CARMIL2: variants seen among roughly 807,000 people sequenced by gnomAD.
CARMIL2 encodes the protein capping protein regulator and myosin 1 linker 2.
CARMIL2 carries 96 observed loss-of-function variants against 173.3 expected under a neutral mutation model. The ratio of observed to expected loss-of-function variants is 0.55; its 90% CI spans 0.47 to 0.66. The LOEUF (loss-of-function observed/expected upper bound fraction) is 0.66, where lower values mean the gene tolerates loss of function less well. Ranked by LOEUF, CARMIL2 falls within the 30% of genes least tolerant of loss-of-function variation. The probability of loss-of-function intolerance (pLI) is 0.00; values close to 1 mark genes in which losing one functional copy is unlikely to be tolerated. For synonymous variants in CARMIL2, 830 were observed against 817.1 expected, an observed-to-expected ratio of 1.02 and a Z score of -0.27; for missense variants, 1,771 against 1,906.7, an observed-to-expected ratio of 0.93 and a Z score of 1.33.
chr16:67,645,409 C>T lies in CARMIL2; in HGVS notation c.40+123C>T, dbSNP rs1217885298. 3.0e-6 allele frequency: 4 copies of T among 1,350,934 alleles called. No individual in the cohort carries two copies. In the South Asian group the frequency reaches 3.7e-5, roughly 13 times the overall value. 83.7% of individuals were successfully genotyped at this position (1,350,934 alleles called of 1,614,324 possible). A position where few individuals can be genotyped will look rare whatever the true frequency, so the allele number is the denominator to read the frequency against. ...CCTCCCTGCTCCCCAGGAGGGCAGG[C>T]GCCCCAGATCCTCTCCCCTCCTTCC... On this transcript the variant is annotated intron_variant, in intron 1 of 37. Coordinates refer to ENST00000334583, the MANE Select transcript of CARMIL2 (RefSeq NM_001013838.3).
rs764657890 is a variant in CARMIL2 at position 67,656,815 on chromosome 16, C to G, written c.4051C>G (p.Pro1351Ala). 9.7e-6 allele frequency: 15 copies of G among 1,551,114 alleles called. No homozygotes were observed. The highest frequency in any genetic ancestry group is 1.3e-5 in the Non-Finnish European group (15 of 1,147,166). Residue 1351 changes from proline (P) to alanine (A), a missense_variant, in exon 36 of 38, where the codon CCG becomes GCG. By Grantham distance (27) the Pro-to-Ala change is conservative. This residue lies in a region of CARMIL2 where 817 missense variants were observed against 903.5 expected (regional missense o/e 0.90). Transcript: ENST00000334583. Reference sequence around the variant, plus strand: ...GCCTCCCTCAGATGGCCAGCTGAGGCCGAGGCCTCTCTCGGCAGGGCGGCG... The same window carrying G: ...GCCTCCCTCAGATGGCCAGCTGAGGGCGAGGCCTCTCTCGGCAGGGCGGCG... ...GPRNEDGQLR[P>A]RPLSAGRRAV... is the part of the protein sequence containing the mutation.
Position 67,646,827 on chromosome 16 carries a change from C to T in CARMIL2, c.537+43C>T. On this transcript the variant is annotated intron_variant, in intron 7 of 37. Coordinates refer to ENST00000334583, the MANE Select transcript of CARMIL2 (RefSeq NM_001013838.3). The surrounding 1 kb of genome is among the most constrained non-coding windows in gnomAD (Gnocchi z 4.6). Reference sequence around the variant, plus strand: ...TTGAAGGGCTCTGGAGACATCTGGTCCCCCATGTGTGCTGAGCCCCTCCCT... The same window carrying T: ...TTGAAGGGCTCTGGAGACATCTGGTTCCCCATGTGTGCTGAGCCCCTCCCT... 2 of 1,610,264 alleles carry T rather than the reference C, an allele frequency of 1.2e-6. No individual in the cohort carries two copies. The highest frequency in any genetic ancestry group is 1.7e-6 in the Non-Finnish European group (2 of 1,176,600).
chr16:67,646,234 G>T lies in CARMIL2; in HGVS notation c.298G>T (p.Gly100Cys). Reference sequence around the variant, plus strand: ...GCGTGAGCTGGTCCTGGAGTTTCCTGGTGTGGCCGCCCTGGAACAGCTGGC... The same window carrying T: ...GCGTGAGCTGGTCCTGGAGTTTCCTTGTGTGGCCGCCCTGGAACAGCTGGC... ...SLRELVLEFP[G>C]VAALEQLAQH... The change falls in exon 5 of 38, where the codon GGT becomes TGT. Residue 100 changes from glycine to cysteine, a missense_variant. Transcript: ENST00000334583. The surrounding 1 kb of genome is among the most constrained non-coding windows in gnomAD (Gnocchi z 4.6). 6.2e-7 allele frequency: 1 copy of T among 1,613,792 alleles called. No individual in the cohort carries two copies. The highest frequency in any genetic ancestry group is 2.2e-5 in the East Asian group (1 of 44,882).
Position 67,657,471 on chromosome 16 carries a change from C to T in CARMIL2, c.4261C>T (p.Pro1421Ser). 6.2e-7 allele frequency: 1 copy of T among 1,612,030 alleles called. No homozygotes were observed. Residue 1421 changes from proline (P) to serine (S), a missense_variant, in exon 38 of 38, where the codon CCA (proline) becomes TCA (serine). Pro to Ser is a moderately conservative substitution (Grantham distance 74). Around this residue, in one of 3 missense-constraint regions of CARMIL2, gnomAD observed 817 missense variants for 903.5 expected, o/e 0.90. Transcript: ENST00000334583. The surrounding 1 kb of genome is among the most constrained non-coding windows in gnomAD (Gnocchi z 4.5). ...PTEPSSPERS[P>S]PSPATDQRGG... ...AGAGCCCTCCAGCCCTGAGCGGAGC[C>T]CACCCTCCCCAGCCACAGACCAAAG...
Position 67,651,991 on chromosome 16 carries a change from G to T in CARMIL2, c.2659G>T (p.Ala887Ser), listed in dbSNP as rs200929262. Residue 887 changes from alanine to serine, a missense_variant, in exon 26 of 38, where the codon GCA becomes TCA. This residue lies in a region of CARMIL2 where 817 missense variants were observed against 903.5 expected (regional missense o/e 0.90). Coordinates refer to ENST00000334583, the MANE Select transcript of CARMIL2 (RefSeq NM_001013838.3). This position sits in a 1 kb window ranked among gnomAD's most constrained non-coding sequence, Gnocchi z 4.2. ...IVAQALAGLS[A>S]ARDQLVESLA... ...GGCTCAGGCTTTGGCAGGCCTGAGTGCAGCCCGGGATCAGCTGGTGAGGGG... is the reference window on the plus strand; with the variant it reads ...GGCTCAGGCTTTGGCAGGCCTGAGTTCAGCCCGGGATCAGCTGGTGAGGGG... The T allele has an allele frequency of 1.2e-6, 2 of 1,613,582 alleles. No homozygotes were observed. Among genetic ancestry groups the T allele is most frequent in the Non-Finnish European group, 1.7e-6 (2 of 1,179,866 alleles).
In CARMIL2 at chr16:67,645,146, G is replaced by GTGGC. The variant is rs2142905429; in HGVS notation, c.-98_-95dup. On this transcript the variant is annotated 5_prime_UTR_variant, in exon 1 of 38. Coordinates refer to ENST00000334583, the MANE Select transcript of CARMIL2 (RefSeq NM_001013838.3). ...GCACCTTCCGCCGCCGGAGGAGCAGGTGGCTGCCGTGCGGGTCTGGGCCCC... is the reference window on the plus strand; with the variant it reads ...GCACCTTCCGCCGCCGGAGGAGCAGGTGGCTGGCTGCCGTGCGGGTCTGGGCCCC... The GTGGC allele has an allele frequency of 1.2e-6, 1 of 830,628 alleles. No individual in the cohort carries two copies. Among genetic ancestry groups the GTGGC allele is most frequent in the Non-Finnish European group, 1.8e-6 (1 of 558,588 alleles). The allele number at this position is 830,628 out of a possible 1,614,324, so 51.5% of individuals were successfully genotyped here. A position where few individuals can be genotyped will look rare whatever the true frequency, so the allele number is the denominator to read the frequency against.
chr16:67,654,988 C>CAGAT (rs1170783413), intron 32 of CARMIL2, 88 bp downstream of exon 32: 3 of 1,502,046 alleles, frequency 2.0e-6, no homozygotes, highest in Non-Finnish European at 2.7e-6. Context: ...AGACTCATGA[C>CAGAT]AGATAGGTCT....
chr16:67,656,918 G>C, intron 36 of CARMIL2, 37 bp downstream of exon 36: 1 of 1,472,456 alleles, frequency 6.8e-7, no homozygotes. Flanking sequence ...TTGAATGCAG[G>C]AGATGTGGGA....
At position 67,648,845 on chromosome 16, in the gene CARMIL2, C is replaced by T; in HGVS notation, c.1510-48C>T. ...CGTGGGCCGCCTGCCCCTCCCCACT[C>T]GCGGCCTAAGTGGGTCCCACTTCCC... is the stretch of plus-strand genomic sequence containing the variant. On this transcript the variant is annotated intron_variant, in intron 16 of 37. Transcript: ENST00000334583. This position sits in a 1 kb window ranked among gnomAD's most constrained non-coding sequence, Gnocchi z 6.1. The T allele has an allele frequency of 6.4e-7, 1 of 1,573,696 alleles. No individual in the cohort carries two copies. Among genetic ancestry groups the T allele is most frequent in the Non-Finnish European group, 8.6e-7 (1 of 1,159,464 alleles).
Position 67,654,258 on chromosome 16 carries a change from G to C in CARMIL2, c.3221+9G>C. On this transcript the variant is annotated intron_variant, in intron 30 of 37. Transcript: ENST00000334583. Reference sequence around the variant, plus strand: ...ATCCAGCAGGATCGCCTGTGAGTGAGGGGCATCTGCTGGGGGTGGGAGAGG... The same window carrying C: ...ATCCAGCAGGATCGCCTGTGAGTGACGGGCATCTGCTGGGGGTGGGAGAGG... The C allele has an allele frequency of 1.3e-6, 2 of 1,573,272 alleles. No homozygotes were observed. The highest frequency in any genetic ancestry group is 1.7e-6 in the Non-Finnish European group (2 of 1,159,576).
rs2052690120 is a variant in CARMIL2 at position 67,649,928 on chromosome 16, A to G, written c.2042A>G (p.Gln681Arg). ...PLPLNDVAQA[Q>R]RSRPELTARA... is the part of the protein sequence containing the mutation. The stretch of plus-strand genomic sequence containing the variant: ...CCACTGAACGACGTGGCCCAGGCGC[A>G]GCGCAGCCGCCCGGAACTGACAGCA... The change falls in exon 21 of 38, where the codon CAG becomes CGG. Residue 681 changes from glutamine to arginine, a missense_variant. Gln to Arg is a conservative substitution (Grantham distance 43). This residue lies in a region of CARMIL2 where 944 missense variants were observed against 975.6 expected (regional missense o/e 0.97). Transcript: ENST00000334583. This position sits in a 1 kb window ranked among gnomAD's most constrained non-coding sequence, Gnocchi z 6.7. 6.2e-6 allele frequency: 10 copies of G among 1,613,236 alleles called. No individual in the cohort carries two copies. The highest frequency in any genetic ancestry group is 8.5e-6 in the Non-Finnish European group (10 of 1,179,830).
Position 67,654,427 on chromosome 16 carries a change from A to C in CARMIL2, c.3317A>C (p.Lys1106Thr). 6.2e-7 allele frequency: 1 copy of C among 1,612,084 alleles called. No homozygotes were observed. Among genetic ancestry groups the C allele is most frequent in the Non-Finnish European group, 8.5e-7 (1 of 1,179,352 alleles). Residue 1106 changes from lysine to threonine, a missense_variant, in exon 31 of 38, where the codon AAG becomes ACG. Lys to Thr is a moderately conservative substitution (Grantham distance 78, BLOSUM62 -1). Around this residue, in one of 3 missense-constraint regions of CARMIL2, gnomAD observed 817 missense variants for 903.5 expected, o/e 0.90. Coordinates refer to ENST00000334583, the MANE Select transcript of CARMIL2 (RefSeq NM_001013838.3). ...CTGGGCACCCTCTTTGCCTTCAAGAAGCCTCGTTCAACGCGGGGTCCACGG... is the reference window on the plus strand; with the variant it reads ...CTGGGCACCCTCTTTGCCTTCAAGACGCCTCGTTCAACGCGGGGTCCACGG... ...KKLGTLFAFK[K>T]PRSTRGPRTD...
rs374661372 is a variant in CARMIL2, at chr16:67,654,794, G to C, written c.3599G>C (p.Arg1200Pro). 1.9e-6 allele frequency: 3 copies of C among 1,613,294 alleles called. No homozygotes were observed. Among genetic ancestry groups the C allele is most frequent in the African/African-American group, 1.3e-5 (1 of 74,926 alleles). Residue 1200 changes from arginine (R) to proline (P), a missense_variant, in exon 32 of 38, where the codon CGG becomes CCG. Around this residue, in one of 3 missense-constraint regions of CARMIL2, gnomAD observed 817 missense variants for 903.5 expected, o/e 0.90. Coordinates refer to ENST00000334583, the MANE Select transcript of CARMIL2 (RefSeq NM_001013838.3). Reference protein sequence around the residue: ...ARPDKRRPLERGETELAPSFE... With the variant: ...ARPDKRRPLEPGETELAPSFE... ...TGTCCCTAGCGGCGGCCCCTGGAGC[G>C]GGGAGAAACAGAACTGGCTCCATCC...
Position 67,656,075 on chromosome 16 carries a change from G to C in CARMIL2, c.3742+8G>C, listed in dbSNP as rs2052846737. The stretch of plus-strand genomic sequence containing the variant: ...AGAAAGCTGGCTCAGATGGTAAGTG[G>C]GACCCTGGGGTGTGGCAGTACATTT... On this transcript the variant is annotated splice_region_variant and intron_variant, in intron 33 of 37. Coordinates refer to ENST00000334583, the MANE Select transcript of CARMIL2 (RefSeq NM_001013838.3). 6.2e-7 allele frequency: 1 copy of C among 1,605,864 alleles called. No individual in the cohort carries two copies. Among genetic ancestry groups the C allele is most frequent in the Non-Finnish European group, 8.5e-7 (1 of 1,176,152 alleles).
chr16:67,647,796 AG>A (rs1382370895), intron 12 of CARMIL2, 30 bp downstream of exon 12: 3 of 156,776 alleles, frequency 1.9e-5, no homozygotes, highest in Non-Finnish European at 3.4e-5. Flanking sequence ...GGGTGAGGGG[AG>A]GGGGGTGGGG....
At position 67,652,438 on chromosome 16, in the gene CARMIL2, C is replaced by T; in HGVS notation, c.2818-34C>T. On this transcript the variant is annotated intron_variant, in intron 27 of 37. Transcript: ENST00000334583. The surrounding 1 kb of genome is among the most constrained non-coding windows in gnomAD (Gnocchi z 4.7). ...GCAGCTCTTTTGGGTTGGTGCTCTC[C>T]TACCCCAGGCTGAGTTTGTGCCCTC... is the stretch of plus-strand genomic sequence containing the variant. 6.2e-7 allele frequency: 1 copy of T among 1,612,534 alleles called. No homozygotes were observed. The highest frequency in any genetic ancestry group is 8.5e-7 in the Non-Finnish European group (1 of 1,179,268).
Position 67,654,710 on chromosome 16 carries a change from G to T in CARMIL2, c.3582+18G>T, listed in dbSNP as rs552249927. The T allele has an allele frequency of 6.2e-7, 1 of 1,601,900 alleles. No individual in the cohort carries two copies. Among genetic ancestry groups the T allele is most frequent in the South Asian group, 1.1e-5 (1 of 89,810 alleles). On this transcript the variant is annotated intron_variant, in intron 31 of 37. Transcript: ENST00000334583. ...CCGACAAGGTGAGGCTTGCTGATGG[G>T]GGGTGGTGAAGGCGCTTCTGGGACC...
Position 67,654,157 on chromosome 16 carries a change from A to G in CARMIL2, c.3129A>G (p.Pro1043=). The change falls in exon 30 of 38, where the codon CCA becomes CCG. Residue 1043 remains proline (P), a synonymous_variant. Coordinates refer to ENST00000334583, the MANE Select transcript of CARMIL2 (RefSeq NM_001013838.3). ...CCCATGATGCCCCCCAGGTACCCCCAGCCTTGCCGCAGGAAGGGAATGGGC... is the reference window on the plus strand; with the variant it reads ...CCCATGATGCCCCCCAGGTACCCCCGGCCTTGCCGCAGGAAGGGAATGGGC... ...RPPPGGPQVP[P]ALPQEGNGLS... 6.7e-7 allele frequency: 1 copy of G among 1,491,906 alleles called. No individual in the cohort carries two copies. The highest frequency in any genetic ancestry group is 1.2e-5 in the South Asian group (1 of 82,816). The allele number at this position is 1,491,906 out of a possible 1,614,324, so 92.4% of individuals were successfully genotyped here.
chr16:67,654,587 C>A lies in CARMIL2; in HGVS notation c.3477C>A (p.Asp1159Glu), dbSNP rs1032266607. 9 of 1,608,656 alleles carry A rather than the reference C, an allele frequency of 5.6e-6. No homozygotes were observed. The African/African-American group carries it at 1.1e-4, about 19-fold the overall frequency. Residue 1159 changes from aspartate to glutamate, a missense_variant, in exon 31 of 38, where the codon GAC becomes GAA. By Grantham distance (45) the Asp-to-Glu change is conservative (BLOSUM62 2). Transcript: ENST00000334583. ...CTGAGGGGGACACCAGCAGCCCTGA[C>A]CCTGCCGGCAGGAGCCGACCTCGCT... ...GGAEGDTSSPDPAGRSRPRYT... is the reference protein window; with the variant it reads ...GGAEGDTSSPEPAGRSRPRYT...
Sources: allele counts gnomAD v4.1 joint callset, GRCh38; gene constraint gnomAD v4.1.1; regional missense constraint gnomAD v4.1.1; non-coding constraint Gnocchi (gnomAD v3.1); transcripts MANE v1.5; gene names NCBI Gene and HGNC (gene_info 2026-07-23, HGNC 2026-07-21).